The following AGAP1 variants were observed in gnomAD, a reference collection of about 807,000 sequenced individuals.
AGAP1 encodes arf-GAP with GTPase, ANK repeat and PH domain-containing protein 1.
AGAP1 carries 29 observed loss-of-function variants against 105.3 expected under a neutral mutation model. The observed-to-expected ratio is 0.28, with a 90% CI of 0.21 to 0.38. The LOEUF is 0.38. Ranked by LOEUF, AGAP1 falls within the 10% of genes least tolerant of loss-of-function variation. AGAP1 has a pLI of 1.00. For synonymous variants in AGAP1, 509 were observed against 485.9 expected (o/e 1.05, Z -0.63); for missense variants, 998 against 1,165.1 (o/e 0.86, Z 2.09).
At chr2:235,856,634 C>A (rs1055503070) in intron 9 of AGAP1, among the ~76,000 whole-genome samples, 1 of 152,256 alleles carries the variant, frequency 6.6e-6, no homozygotes, top group Non-Finnish European at 1.5e-5. Context: ...GTGACTGGGG[C>A]TCATTGCCTT....
In AGAP1 at chr2:235,521,996, A is replaced by G. The variant is rs80164969; in HGVS notation, c.163+27147A>G. 2.2e-3 allele frequency among the ~76,000 whole-genome samples: 332 copies of G among 152,206 alleles called. 1 individual carries two copies. Among genetic ancestry groups the G allele is most frequent in the African/African-American group, 7.6e-3 (317 of 41,518 alleles). ...TTTCCCAACAGGGTGCTGTCAAACT[A>G]TTGGATGTTTGCCAGAGAGGCACAG... is the stretch of plus-strand genomic sequence containing the variant. On this transcript the variant is annotated intron_variant, in intron 1 of 17. Coordinates refer to ENST00000304032, the MANE Select transcript of AGAP1 (RefSeq NM_001037131.3).
intron 6 of AGAP1, among the ~76,000 whole-genome samples, chr2:235,768,813 T>G (rs2149832825): frequency 6.6e-6 from 1 of 152,294 alleles, no homozygotes; most frequent in East Asian, 1.9e-4. Flanking sequence ...TTGTCGGGGA[T>G]CTGGGCAGCC....
At chr2:235,826,244 T>C (rs1019875143) in intron 9 of AGAP1, among the ~76,000 whole-genome samples, 3 of 152,172 alleles carry the variant, frequency 2.0e-5, no homozygotes, top group African/African-American at 7.2e-5. Context: ...TAGGGTGACC[T>C]AGTTTTCCTC....
At chr2:236,049,824 A>T (rs541619474) in intron 16 of AGAP1, 1 of 152,418 alleles carries the variant, frequency 6.6e-6, no homozygotes, top group African/African-American at 2.4e-5. Context: ...AGTGTAAAAA[A>T]CGCATTTATT....
At chr2:235,592,111 G>T (rs562872964) in intron 1 of AGAP1, among the ~76,000 whole-genome samples, 2 of 152,232 alleles carry the variant, frequency 1.3e-5, no homozygotes, top group Non-Finnish European at 2.9e-5. Context: ...TGGTTCCCAG[G>T]GGCCCAGGCT....
chr2:235,656,063 G>T (rs1947761406), intron 1 of AGAP1, among the ~76,000 whole-genome samples: 1 of 152,186 alleles, frequency 6.6e-6, no homozygotes, highest in Non-Finnish European at 1.5e-5. Context: ...CCCTGCAAGG[G>T]CACTGGAGTT....
At chr2:236,043,394 T>C (rs1321648224) in intron 15 of AGAP1, among the ~76,000 whole-genome samples, 1 of 152,138 alleles carries the variant, frequency 6.6e-6, no homozygotes, top group Admixed American at 6.5e-5. Flanking sequence ...CAGTTCATGG[T>C]GATGTCTTGT....
intron 13 of AGAP1, among the ~76,000 whole-genome samples, chr2:236,008,581 C>A (rs1403343344): frequency 6.6e-6 from 1 of 152,174 alleles, no homozygotes; most frequent in Non-Finnish European, 1.5e-5. Context: ...CCTTGATCTC[C>A]ACTTCTGCGT....
chr2:235,705,596 C>T lies in AGAP1; in HGVS notation c.164-3583C>T, dbSNP rs373819022. Reference sequence around the variant, plus strand: ...GGACTATTTTGGTATGCATGGCTTTCGCGAATGTTTTGTTAATTTTCGTTT... The same window carrying T: ...GGACTATTTTGGTATGCATGGCTTTTGCGAATGTTTTGTTAATTTTCGTTT... On this transcript the variant is annotated intron_variant, in intron 1 of 17. Coordinates refer to ENST00000304032, the MANE Select transcript of AGAP1 (RefSeq NM_001037131.3). The surrounding 1 kb of genome is among the most constrained non-coding windows in gnomAD (Gnocchi z 4.9). Among the ~76,000 whole-genome samples the T allele has an allele frequency of 2.8e-4, 42 of 152,250 alleles. No homozygotes were observed. The highest frequency in any genetic ancestry group is 9.1e-4 in the African/African-American group (38 of 41,544).
rs113322323 is a variant in AGAP1 at position 236,101,054 on chromosome 2, C to T, written c.2115-19138C>T. Among the ~76,000 whole-genome samples, 39 of 152,232 alleles carry T rather than the reference C, an allele frequency of 2.6e-4. 1 individual carries two copies. The highest frequency in any genetic ancestry group is 9.1e-4 in the African/African-American group (38 of 41,560). ...CAGGGGTCCGCAGACCCAGGCCCCT[C>T]ATTCCATCAGTTTCTTTCAGCATGT... On this transcript the variant is annotated intron_variant, in intron 16 of 17. Transcript: ENST00000304032. The surrounding 1 kb of genome is among the most constrained non-coding windows in gnomAD (Gnocchi z 4.9).
rs2059973390 is a variant in AGAP1 at position 236,124,526 on chromosome 2, C to T, written c.*404C>T. 2 of 243,948 alleles carry T rather than the reference C, an allele frequency of 8.2e-6. No homozygotes were observed. Among genetic ancestry groups the T allele is most frequent in the South Asian group, 1.2e-4 (2 of 16,364 alleles). 15.1% of individuals were successfully genotyped at this position (243,948 alleles called of 1,614,324 possible). ...GCAGTTGAGCACATAGTACATTTCC[C>T]CTCTACCAAACGGAACACTTGGATT... On this transcript the variant is annotated 3_prime_UTR_variant, in exon 18 of 18. Coordinates refer to ENST00000304032, the MANE Select transcript of AGAP1 (RefSeq NM_001037131.3). The surrounding 1 kb of genome is among the most constrained non-coding windows in gnomAD (Gnocchi z 5.1).
At chr2:235,588,933 C>T (rs756971943) in intron 1 of AGAP1, among the ~76,000 whole-genome samples, 10 of 152,072 alleles carry the variant, frequency 6.6e-5, no homozygotes, top group Non-Finnish European at 1.5e-4. Context: ...TTTGCCTGGC[C>T]CCTAGGTTTC....
intron 2 of AGAP1, among the ~76,000 whole-genome samples, chr2:235,713,947 C>T (rs975539431): frequency 2.0e-5 from 3 of 152,178 alleles, no homozygotes; most frequent in African/African-American, 7.2e-5. Flanking sequence ...TCTGCTCCCA[C>T]AACTGCCACA....
rs1433545551 is a variant in AGAP1 at position 236,078,396 on chromosome 2, G to T, written c.2114+29115G>T. On this transcript the variant is annotated intron_variant, in intron 16 of 17. Coordinates refer to ENST00000304032, the MANE Select transcript of AGAP1 (RefSeq NM_001037131.3). The surrounding 1 kb of genome is among the most constrained non-coding windows in gnomAD (Gnocchi z 5.3). ...GGACTATAAGTGACATCTACAAAAG[G>T]CCTTCACAGCAATGCATAGGTTGTG... Among the ~76,000 whole-genome samples, 1 of 152,090 alleles carries T rather than the reference G, an allele frequency of 6.6e-6. No homozygotes were observed. The highest frequency in any genetic ancestry group is 1.5e-5 in the Non-Finnish European group (1 of 68,024).
intron 1 of AGAP1, among the ~76,000 whole-genome samples, chr2:235,544,640 C>T (rs753931236): frequency 3.9e-5 from 6 of 152,140 alleles, no homozygotes; most frequent in African/African-American, 9.7e-5. Flanking sequence ...CAGCTTGGGC[C>T]GGGCAGAGGT....
chr2:235,542,968 C>T (rs1344769785), intron 1 of AGAP1, among the ~76,000 whole-genome samples: 1 of 152,142 alleles, frequency 6.6e-6, no homozygotes, highest in East Asian at 1.9e-4. Flanking sequence ...TGGGGACGGT[C>T]TCCTGGAAGC....
rs1305401320 is a variant in AGAP1, at chr2:235,792,436, T to G, written c.674-5323T>G. ...CTTCCCCAAACATGAAAGAGCCCAG[T>G]TTTGCTAAGGAGCTGTTGAAAAACT... On this transcript the variant is annotated intron_variant, in intron 6 of 17. Coordinates refer to ENST00000304032, the MANE Select transcript of AGAP1 (RefSeq NM_001037131.3). The surrounding 1 kb of genome is among the most constrained non-coding windows in gnomAD (Gnocchi z 5.3). 6.6e-6 allele frequency among the ~76,000 whole-genome samples: 1 copy of G among 152,094 alleles called. No individual in the cohort carries two copies. The highest frequency in any genetic ancestry group is 1.5e-5 in the Non-Finnish European group (1 of 68,014).
At chr2:235,499,487 G>A (rs537892939) in intron 1 of AGAP1, among the ~76,000 whole-genome samples, 1 of 152,186 alleles carries the variant, frequency 6.6e-6, no homozygotes, top group African/African-American at 2.4e-5. Flanking sequence ...ATGAAAGGTG[G>A]CAGGTTTGCA....
chr2:235,702,525 C>T (rs1035414163), intron 1 of AGAP1, among the ~76,000 whole-genome samples: 18 of 152,258 alleles, frequency 1.2e-4, no homozygotes, highest in African/African-American at 4.3e-4. Context: ...GGGCCCTGTT[C>T]CCTTGTTGGT....
Sources: gnomAD v4.1 joint callset for allele counts (sites outside exome capture counted in the v4.1 genomes callset) on GRCh38, gnomAD v4.1.1 for gene constraint, Gnocchi (gnomAD v3.1) non-coding constraint, MANE v1.5 for transcripts, NCBI Gene and HGNC (gene_info 2026-07-23, HGNC 2026-07-21) for gene names.